The following ADAMTS18 variants were observed in gnomAD, a reference collection of about 807,000 sequenced individuals.
ADAMTS18 encodes the protein A disintegrin and metalloproteinase with thrombospondin motifs 18.
A neutral mutation model predicts 165.9 loss-of-function variants in ADAMTS18; 157 were observed. The observed-to-expected ratio is 0.95, with a 90% CI of 0.83 to 1.08. ADAMTS18 has a LOEUF of 1.08. ADAMTS18 is among the 50% of genes least tolerant of loss of function. The pLI is 0.00. For missense variants in ADAMTS18, 2,040 were observed against 1,534.0 expected, an observed-to-expected ratio of 1.33 and a Z score of -5.51; for synonymous variants, 782 against 578.2, an observed-to-expected ratio of 1.35 and a Z score of -5.06.
At chr16:77,330,448 T>G (rs538550976) in intron 12 of ADAMTS18, among the ~76,000 whole-genome samples, 1 of 152,306 alleles carries the variant, frequency 6.6e-6, no homozygotes, top group East Asian at 1.9e-4. Flanking sequence ...GCATGGGGAC[T>G]TGAGCAAGAG....
chr16:77,400,360 AC>A (rs377124701), intron 3 of ADAMTS18, among the ~76,000 whole-genome samples: 12 of 151,194 alleles, frequency 7.9e-5, no homozygotes, highest in African/African-American at 2.9e-4. Context: ...GTGAGTTAAG[AC>A]CCCTGGGACT....
intron 3 of ADAMTS18, among the ~76,000 whole-genome samples, chr16:77,419,921 C>T (rs1597252988): frequency 6.7e-6 from 1 of 149,628 alleles, no homozygotes; most frequent in Non-Finnish European, 1.5e-5. Flanking sequence ...ATTGCTTGAA[C>T]CCAGGAGGCG....
intron 3 of ADAMTS18, among the ~76,000 whole-genome samples, chr16:77,406,888 T>C (rs1247693877): frequency 6.6e-6 from 1 of 151,846 alleles, no homozygotes; most frequent in Non-Finnish European, 1.5e-5. Flanking sequence ...GAGCTAAACA[T>C]TGGGTATATA....
Position 77,367,733 on chromosome 16 carries a change from C to G in ADAMTS18, c.496-10G>C, listed in dbSNP as rs773534128. The G allele has an allele frequency of 1.1e-5, 17 of 1,614,054 alleles. No individual in the cohort carries two copies. Among genetic ancestry groups the G allele is most frequent in the Admixed American group, 1.7e-5 (1 of 60,002 alleles). On this transcript the variant is annotated splice_polypyrimidine_tract_variant and intron_variant, in intron 3 of 22. Transcript: ENST00000282849. Reference sequence around the variant, plus strand: ...TCCTTATTAAACCTGACTAAAAAGCCAAACACAAAGCAAACAGTCATGATT... The same window carrying G: ...TCCTTATTAAACCTGACTAAAAAGCGAAACACAAAGCAAACAGTCATGATT...
chr16:77,427,395 C>A (rs1200752104), intron 3 of ADAMTS18, among the ~76,000 whole-genome samples: 1 of 152,212 alleles, frequency 6.6e-6, no homozygotes, highest in Non-Finnish European at 1.5e-5. Context: ...TGTGGTTCAA[C>A]AGCAAGATGA....
At chr16:77,346,801 T>G (rs988580248) in intron 10 of ADAMTS18, among the ~76,000 whole-genome samples, 3 of 152,226 alleles carry the variant, frequency 2.0e-5, no homozygotes, top group Admixed American at 1.3e-4. Flanking sequence ...CGATGCCATT[T>G]TAAAAATCAA....
intron 22 of ADAMTS18, among the ~76,000 whole-genome samples, chr16:77,284,908 G>C (rs1480509939): frequency 4.6e-5 from 7 of 151,928 alleles, no homozygotes; most frequent in Admixed American, 4.6e-4. Context: ...CACCTTATTT[G>C]CCTGCAAATG....
At chr16:77,355,041 C>A (rs929561368) in intron 9 of ADAMTS18, among the ~76,000 whole-genome samples, 3 of 152,070 alleles carry the variant, frequency 2.0e-5, no homozygotes, top group Admixed American at 6.5e-5. Flanking sequence ...ATAGATCTTA[C>A]TAATTCTTTA....
chr16:77,314,625 A>AATGTG (rs1555511570), intron 16 of ADAMTS18, among the ~76,000 whole-genome samples: 21 of 132,572 alleles, frequency 1.6e-4, no homozygotes, highest in South Asian at 2.4e-4. Context: ...AAAAAAAAAA[A>AATGTG]TGTGTGTGTA....
intron 15 of ADAMTS18, 96 bp from the exon 16 acceptor site, chr16:77,320,189 G>A (rs1245611013): frequency 4.1e-6 from 6 of 1,459,340 alleles, no homozygotes; most frequent in East Asian, 4.5e-5. Context: ...GTTTTATAGA[G>A]TGAGGTTTTT....
intron 3 of ADAMTS18, among the ~76,000 whole-genome samples, chr16:77,414,562 C>T (rs555188429): frequency 2.0e-5 from 3 of 152,096 alleles, no homozygotes; most frequent in East Asian, 1.9e-4. Context: ...AAAATTATAT[C>T]GGTTGACTTG....
At chr16:77,342,378 A>C (rs1245197754) in intron 10 of ADAMTS18, among the ~76,000 whole-genome samples, 1 of 152,160 alleles carries the variant, frequency 6.6e-6, no homozygotes, top group Non-Finnish European at 1.5e-5. Flanking sequence ...CATCTTTTTA[A>C]AAAATGTTCT....
At chr16:77,357,647 T>G (rs1256807589) in intron 8 of ADAMTS18, among the ~76,000 whole-genome samples, 1 of 152,236 alleles carries the variant, frequency 6.6e-6, no homozygotes, top group Non-Finnish European at 1.5e-5. Context: ...TGGAATTTTA[T>G]GTGCGTAAGA....
intron 14 of ADAMTS18, among the ~76,000 whole-genome samples, chr16:77,321,403 T>C (rs1230022055): frequency 6.6e-6 from 1 of 152,192 alleles, no homozygotes; most frequent in Non-Finnish European, 1.5e-5. Flanking sequence ...GAGCAAGTTG[T>C]ATAACTCATC....
intron 3 of ADAMTS18, among the ~76,000 whole-genome samples, chr16:77,377,276 G>A (rs2056967321): frequency 6.6e-6 from 1 of 152,214 alleles, no homozygotes; most frequent in Non-Finnish European, 1.5e-5. Context: ...GCCTCCAGAT[G>A]TAACTGACAA....
chr16:77,338,578 A>C (rs2056348126), intron 11 of ADAMTS18, among the ~76,000 whole-genome samples: 1 of 152,010 alleles, frequency 6.6e-6, no homozygotes, highest in South Asian at 2.1e-4. Context: ...TTTCCAATTG[A>C]ATGGCCATGA....
intron 3 of ADAMTS18, among the ~76,000 whole-genome samples, chr16:77,376,476 C>A (rs1324123389): frequency 6.6e-6 from 1 of 152,130 alleles, no homozygotes; most frequent in Admixed American, 6.5e-5. Context: ...GGAAGAGCTG[C>A]CCCAACTCTC....
At chr16:77,310,939 C>T (rs1234659309) in intron 16 of ADAMTS18, among the ~76,000 whole-genome samples, 2 of 152,174 alleles carry the variant, frequency 1.3e-5, no homozygotes, top group East Asian at 3.8e-4. Flanking sequence ...CAATATCTAA[C>T]ACAGGGCTGG....
intron 22 of ADAMTS18, among the ~76,000 whole-genome samples, chr16:77,285,407 G>T (rs772540002): frequency 2.0e-5 from 3 of 150,944 alleles, no homozygotes; most frequent in Non-Finnish European, 2.9e-5. Context: ...TCCTGACCTC[G>T]GGTGATCCGT....
Sources: gnomAD v4.1 joint callset for allele counts (sites outside exome capture counted in the v4.1 genomes callset) on GRCh38, gnomAD v4.1.1 for gene constraint, MANE v1.5 for transcripts, NCBI Gene and HGNC (gene_info 2026-07-23, HGNC 2026-07-21) for gene names.